Variants in SLCO1C1 observed in about 807,000 individuals in gnomAD.
SLCO1C1 encodes OAT-RP-5.
In SLCO1C1, 70 loss-of-function variants were observed where a neutral mutation model predicts 76.4. That is an observed-to-expected ratio of 0.92 (90% CI 0.76 to 1.12). The LOEUF is 1.12. SLCO1C1 is among the 50% of genes most tolerant of loss of function. The pLI is 0.00. For missense variants in SLCO1C1, 912 were observed against 823.8 expected, an observed-to-expected ratio of 1.11 and a Z score of -1.31; for synonymous variants, 306 against 286.1, an observed-to-expected ratio of 1.07 and a Z score of -0.70.
Position 20,706,188 on chromosome 12 carries a change from T to C in SLCO1C1, c.404+107T>C, listed in dbSNP as rs151314142. 1.4e-4 allele frequency: 181 copies of C among 1,336,146 alleles called. 2 individuals are homozygous for C. The East Asian group carries it at 3.6e-3, about 27-fold the overall frequency. The allele number at this position is 1,336,146 out of a possible 1,614,324, so 82.8% of individuals were successfully genotyped here. A position where few individuals can be genotyped will look rare whatever the true frequency, so the allele number is the denominator to read the frequency against. ...ATTTAAGCTTAACCCATGATAACTT[T>C]GTCTTACTTTTATTACATTCTCTTT... On this transcript the variant is annotated intron_variant, in intron 4 of 14. Transcript: ENST00000266509.
chr12:20,736,020 A>C (rs971657986), intron 10 of SLCO1C1, among the ~76,000 whole-genome samples: 8 of 152,184 alleles, frequency 5.3e-5, no homozygotes, highest in Non-Finnish European at 8.8e-5. Flanking sequence ...GGAATAAGCA[A>C]ATAAATAAAT....
intron 1 of SLCO1C1, among the ~76,000 whole-genome samples, chr12:20,699,202 T>G (rs1458555274): frequency 2.0e-5 from 3 of 152,060 alleles, no homozygotes; most frequent in African/African-American, 7.2e-5. Flanking sequence ...GTTGAATTCC[T>G]CTTCTTCCTT....
intron 4 of SLCO1C1, among the ~76,000 whole-genome samples, chr12:20,710,200 CTTTTTTTTTTTTTT>C (rs914645913): frequency 1.3e-5 from 1 of 75,486 alleles, no homozygotes; most frequent in Admixed American, 1.5e-4. Context: ...CTCTACTTTT[CTTTTTTTTTTTTTT>C]TTTTTTTTTT....
At chr12:20,747,678 G>A (rs1787135534) in intron 13 of SLCO1C1, among the ~76,000 whole-genome samples, 1 of 152,040 alleles carries the variant, frequency 6.6e-6, no homozygotes, top group Non-Finnish European at 1.5e-5. Flanking sequence ...TTTTTTAAGT[G>A]GTAAATCATA....
intron 4 of SLCO1C1, among the ~76,000 whole-genome samples, chr12:20,709,601 G>GTGATTCTTAACCTACTATGGTCAAGGAAC (rs1280703910): frequency 6.7e-4 from 11 of 16,416 alleles, no homozygotes; most frequent in South Asian, 2.0e-3. Context: ...TTGAAAACAG[G>GTGATTCTTAACCTACTATGGTCAAGGAAC]CCGGGCGCGG....
At chr12:20,718,647 T>C (rs945458057) in intron 7 of SLCO1C1, among the ~76,000 whole-genome samples, 2 of 152,082 alleles carry the variant, frequency 1.3e-5, no homozygotes, top group Non-Finnish European at 1.5e-5. Context: ...GCATAACTCT[T>C]CAAGTAAAAT....
At chr12:20,748,272 T>C (rs1387318759) in intron 13 of SLCO1C1, among the ~76,000 whole-genome samples, 1 of 152,150 alleles carries the variant, frequency 6.6e-6, no homozygotes, top group Admixed American at 6.5e-5. Flanking sequence ...ACCAAAAAAT[T>C]TAAATTACAA....
intron 12 of SLCO1C1, among the ~76,000 whole-genome samples, chr12:20,742,495 CTT>C (rs1948865042): frequency 6.6e-6 from 1 of 151,992 alleles, no homozygotes; most frequent in Non-Finnish European, 1.5e-5. Flanking sequence ...TAATGACACT[CTT>C]ATTATTTAGG....
At chr12:20,701,737 G>A (rs1254257024) in intron 3 of SLCO1C1, among the ~76,000 whole-genome samples, 1 of 151,830 alleles carries the variant, frequency 6.6e-6, no homozygotes, top group Non-Finnish European at 1.5e-5. Flanking sequence ...GGAGGAAAGG[G>A]TGAGATGCTA....
At chr12:20,717,723 G>A (rs1947453461) in intron 7 of SLCO1C1, among the ~76,000 whole-genome samples, 2 of 113,680 alleles carry the variant, frequency 1.8e-5, no homozygotes, top group Admixed American at 1.2e-4. Flanking sequence ...GTGGAAGCAT[G>A]TTACAGCACA....
At chr12:20,731,960 G>A (rs1431336220) in intron 9 of SLCO1C1, among the ~76,000 whole-genome samples, 2 of 152,144 alleles carry the variant, frequency 1.3e-5, no homozygotes, top group South Asian at 2.1e-4. Context: ...TATTATAGAT[G>A]AGGAGACAGG....
rs1192799370 is a variant in SLCO1C1, at chr12:20,711,381, T to C, written c.405-5T>C. The C allele has an allele frequency of 1.9e-6, 3 of 1,611,052 alleles. No individual in the cohort carries two copies. Among genetic ancestry groups the C allele is most frequent in the South Asian group, 1.1e-5 (1 of 90,300 alleles). ...TATCATGAAGAAAACATTCCTCTTA[T>C]GCAGGTACAAATATGAGAGATATTC... On this transcript the variant is annotated splice_region_variant and splice_polypyrimidine_tract_variant and intron_variant, in intron 4 of 14. Transcript: ENST00000266509.
At chr12:20,730,953 G>A (rs1378322315) in intron 9 of SLCO1C1, among the ~76,000 whole-genome samples, 1 of 152,138 alleles carries the variant, frequency 6.6e-6, no homozygotes, top group African/African-American at 2.4e-5. Context: ...GACTGGCAAC[G>A]CTTGCATTTG....
chr12:20,697,498 T>C (rs1260779344), intron 1 of SLCO1C1: 1 of 152,058 alleles, frequency 6.6e-6, no homozygotes, highest in Non-Finnish European at 1.5e-5. Context: ...AATACTGTTC[T>C]AGAAAAGTAG....
chr12:20,699,817 ATCTTAGATGCAATTTACT>A, intron 2 of SLCO1C1, 112 bp downstream of exon 2: 2 of 1,197,192 alleles, frequency 1.7e-6, no homozygotes, highest in Non-Finnish European at 2.2e-6. Context: ...AAAAAAAAAG[ATCTTAGATGCAATTTACT>A]AAAACCACAC....
rs1288217259 is a variant in SLCO1C1, at chr12:20,711,432, A to G, written c.451A>G (p.Ile151Val). 1.2e-6 allele frequency: 2 copies of G among 1,613,912 alleles called. No individual in the cohort carries two copies. The highest frequency in any genetic ancestry group is 1.7e-5 in the Admixed American group (1 of 60,006). ...YSPSSNSTLS[I>V]SPCLLESSSQ... The stretch of plus-strand genomic sequence containing the variant: ...TCCTTCCTCCAATTCCACTCTCAGC[A>G]TCTCTCCGTGTCTCCTAGAGTCAAG... The change falls in exon 5 of 15, where the codon ATC (isoleucine) becomes GTC (valine). Residue 151 changes from isoleucine (I) to valine (V), a missense_variant. Transcript: ENST00000266509.
intron 9 of SLCO1C1, among the ~76,000 whole-genome samples, 178 bp from the exon 10 acceptor site, chr12:20,732,731 T>A (rs1948346874): frequency 6.6e-6 from 1 of 152,182 alleles, no homozygotes; most frequent in Non-Finnish European, 1.5e-5. Flanking sequence ...GACTGTGCAG[T>A]TGTACCACCA....
intron 3 of SLCO1C1, 118 bp downstream of exon 3, chr12:20,701,577 T>C (rs1045923228): frequency 2.0e-5 from 19 of 947,266 alleles, no homozygotes; most frequent in Non-Finnish European, 2.4e-5. Context: ...AAAATCTTTT[T>C]TTTTTTTTTT....
At chr12:20,746,893 G>C (rs903922583) in intron 13 of SLCO1C1, among the ~76,000 whole-genome samples, 2 of 151,670 alleles carry the variant, frequency 1.3e-5, no homozygotes, top group Non-Finnish European at 2.9e-5. Context: ...TAAATACAAT[G>C]TGTTTATTTG....
Sources: gnomAD v4.1 joint callset for allele counts (sites outside exome capture counted in the v4.1 genomes callset) on GRCh38, gnomAD v4.1.1 for gene constraint, MANE v1.5 for transcripts, NCBI Gene and HGNC (gene_info 2026-07-23, HGNC 2026-07-21) for gene names.